TTC17: variants seen among roughly 807,000 people sequenced by gnomAD.
TTC17 encodes the protein tetratricopeptide repeat domain 17.
A neutral mutation model predicts 143.8 loss-of-function variants in TTC17; 58 were observed. The observed-to-expected ratio is 0.40, with a 90% confidence interval of 0.33 to 0.50. The LOEUF is 0.50. Among genes scored for constraint, TTC17 ranks in the 20% least tolerant of loss-of-function variants. TTC17 has a pLI of 0.49. For synonymous variants in TTC17, 501 were observed against 497.8 expected (o/e 1.01, Z -0.09); for missense variants, 1,273 against 1,392.5 (o/e 0.91, Z 1.37).
At chr11:43,397,565 G>A in intron 7 of TTC17, 74 bp downstream of exon 7, 1 of 1,375,342 alleles carries the variant, frequency 7.3e-7, no homozygotes, top group Non-Finnish European at 9.6e-7. Flanking sequence ...TCCCCCCTCA[G>A]TAGAATGTTA....
At position 43,397,408 on chromosome 11, in the gene TTC17, G is replaced by C. The variant is rs1479098947; in HGVS notation, c.835G>C (p.Ala279Pro). 6.2e-7 allele frequency: 1 copy of C among 1,613,296 alleles called. No individual in the cohort carries two copies. Among genetic ancestry groups the C allele is most frequent in the Admixed American group, 1.7e-5 (1 of 60,018 alleles). Residue 279 changes from alanine to proline, a missense_variant, in exon 7 of 24, where the codon GCT (alanine) becomes CCT (proline). By Grantham distance (27) the Ala-to-Pro change is conservative. Coordinates refer to ENST00000039989, the MANE Select transcript of TTC17 (RefSeq NM_018259.6). ...CGTTCTACACAGAGCACACTTCTCT[G>C]CTGATGCTGCTGTCGTGGTCCATGC... ...ANVLHRAHFS[A>P]DAAVVVHAAL...
At chr11:43,487,705 G>A (rs1324826296) in intron 21 of TTC17, among the ~76,000 whole-genome samples, 1 of 152,204 alleles carries the variant, frequency 6.6e-6, no homozygotes, top group Non-Finnish European at 1.5e-5. Context: ...AGGGCCACTA[G>A]AACAAAATGC....
In TTC17 at chr11:43,450,211, G is replaced by A; in HGVS notation, c.2916G>A (p.Leu972=). ...ATGGGGTTTCCAACCGAGCCAGCCTGCACTACACAGGGGAGAGTCAGTTAA... is the reference window on the plus strand; with the variant it reads ...ATGGGGTTTCCAACCGAGCCAGCCTACACTACACAGGGGAGAGTCAGTTAA... The part of the protein sequence containing the change: ...HLHGVSNRAS[L]HYTGESQLTE... The change falls in exon 20 of 24, where the codon CTG becomes CTA. Residue 972 remains leucine (L), a synonymous_variant. Transcript: ENST00000039989. The A allele has an allele frequency of 6.2e-7, 1 of 1,614,112 alleles. No homozygotes were observed. Among genetic ancestry groups the A allele is most frequent in the Non-Finnish European group, 8.5e-7 (1 of 1,180,006 alleles).
intron 16 of TTC17, among the ~76,000 whole-genome samples, chr11:43,434,787 C>T (rs1947248260): frequency 6.6e-6 from 1 of 152,184 alleles, no homozygotes; most frequent in Admixed American, 6.5e-5. Flanking sequence ...AAAGAATCCT[C>T]AATTTCTGAC....
At chr11:43,380,376 C>T (rs1279738596) in intron 2 of TTC17, among the ~76,000 whole-genome samples, 1 of 152,194 alleles carries the variant, frequency 6.6e-6, no homozygotes, top group Non-Finnish European at 1.5e-5. Flanking sequence ...CTGCCTCAGC[C>T]TCCTGAGTAG....
chr11:43,408,788 C>A (rs1044296565), intron 15 of TTC17, among the ~76,000 whole-genome samples: 1 of 152,018 alleles, frequency 6.6e-6, no homozygotes, highest in African/African-American at 2.4e-5. Context: ...GTTGCCCAGG[C>A]TGGAGTGCAG....
At chr11:43,400,478 C>T (rs918336384) in intron 9 of TTC17, among the ~76,000 whole-genome samples, 4 of 152,132 alleles carry the variant, frequency 2.6e-5, no homozygotes, top group Non-Finnish European at 5.9e-5. Context: ...AAACTCTGCA[C>T]TATGGGTAAC....
At chr11:43,399,097 C>T (rs1328947228) in intron 8 of TTC17, among the ~76,000 whole-genome samples, 1 of 152,142 alleles carries the variant, frequency 6.6e-6, no homozygotes, top group African/African-American at 2.4e-5. Flanking sequence ...AAGCATATTC[C>T]TTTCGAAGCA....
chr11:43,401,294 A>C (rs1857842091), intron 9 of TTC17, 152 bp from the exon 10 acceptor site: 1 of 517,844 alleles, frequency 1.9e-6, no homozygotes. Context: ...ATTAACCATT[A>C]ATGAATATTT....
chr11:43,488,797 C>T (rs1432710137), intron 21 of TTC17, among the ~76,000 whole-genome samples: 1 of 152,122 alleles, frequency 6.6e-6, no homozygotes, highest in East Asian at 1.9e-4. Flanking sequence ...AACTCCTGGG[C>T]TCAAGCGATC....
chr11:43,399,788 G>C (rs941050281), intron 8 of TTC17, 100 bp from the exon 9 acceptor site: 6 of 1,203,104 alleles, frequency 5.0e-6, no homozygotes, highest in Admixed American at 2.6e-5. Flanking sequence ...AAAACACACA[G>C]TAATTGTTGC....
At chr11:43,457,294 G>A (rs978620436) in intron 21 of TTC17, among the ~76,000 whole-genome samples, 2 of 152,036 alleles carry the variant, frequency 1.3e-5, no homozygotes, top group Non-Finnish European at 2.9e-5. Context: ...AACATTATCA[G>A]GCAGGAATGA....
Position 43,407,231 on chromosome 11 carries a change from T to G in TTC17, c.1839+16T>G, listed in dbSNP as rs752312149. On this transcript the variant is annotated intron_variant, in intron 14 of 23. Transcript: ENST00000039989. The stretch of plus-strand genomic sequence containing the variant: ...TATTAATAAGGTGAGTCATTTACTT[T>G]AGACATCTAAAACTTAAATGCTTCT... 3.8e-6 allele frequency: 6 copies of G among 1,574,490 alleles called. No individual in the cohort carries two copies. In the South Asian group the frequency reaches 5.8e-5, roughly 15 times the overall value.
At chr11:43,435,542 T>C (rs1313487122) in intron 16 of TTC17, 2 of 152,236 alleles carry the variant, frequency 1.3e-5, no homozygotes, top group African/African-American at 4.8e-5. Context: ...AAAGTCGCCA[T>C]AGAGGTCATT....
chr11:43,361,430 A>G lies in TTC17; in HGVS notation c.159+2317A>G, dbSNP rs1023280795. On this transcript the variant is annotated intron_variant, in intron 1 of 23. Coordinates refer to ENST00000039989, the MANE Select transcript of TTC17 (RefSeq NM_018259.6). ...TGTAAGTCAAAAATGCATTTAATGT[A>G]CCTACCAAACATTGTAGCTTAGCCT... 1.3e-4 allele frequency among the ~76,000 whole-genome samples: 20 copies of G among 152,246 alleles called. 4 individuals carry two copies. Among genetic ancestry groups the G allele is most frequent in the Admixed American group, 1.1e-3 (17 of 15,288 alleles).
intron 16 of TTC17, 25 bp downstream of exon 16, chr11:43,414,801 A>T: frequency 6.2e-7 from 1 of 1,604,660 alleles, no homozygotes; most frequent in Non-Finnish European, 8.5e-7. Flanking sequence ...AATGCTGACA[A>T]ACTAATGAGC....
chr11:43,424,115 T>C (rs1333000835), intron 16 of TTC17, among the ~76,000 whole-genome samples: 1 of 147,386 alleles, frequency 6.8e-6, no homozygotes, highest in African/African-American at 2.5e-5. Flanking sequence ...TGAGGCGGAG[T>C]CTCGCTCGCT....
At chr11:43,444,355 T>A in intron 18 of TTC17, 146 bp downstream of exon 18, 1 of 702,012 alleles carries the variant, frequency 1.4e-6, no homozygotes, top group Non-Finnish European at 2.1e-6. Context: ...ATCTTCTGTA[T>A]CAATGAAAAA....
At chr11:43,366,140 T>C (rs1376923125) in intron 1 of TTC17, among the ~76,000 whole-genome samples, 1 of 151,968 alleles carries the variant, frequency 6.6e-6, no homozygotes, top group African/African-American at 2.4e-5. Context: ...AGAAATCTAG[T>C]TGTCTTTAAT....
Sources: allele counts gnomAD v4.1 joint callset (sites outside exome capture counted in the v4.1 genomes callset), GRCh38; gene constraint gnomAD v4.1.1; transcripts MANE v1.5; gene names NCBI Gene and HGNC (gene_info 2026-07-23, HGNC 2026-07-21).